The following DUS2 variants were observed in gnomAD, a reference collection of about 807,000 sequenced individuals.
DUS2 encodes tRNA-dihydrouridine(20) synthase [NAD(P)+]-like.
In DUS2, 52 loss-of-function variants were observed where a neutral mutation model predicts 71.3. The ratio of observed to expected loss-of-function variants is 0.73; its 90% CI spans 0.58 to 0.92. The LOEUF is 0.92. DUS2 is among the 40% of genes least tolerant of loss of function. The pLI, the probability that DUS2 is intolerant of heterozygous loss-of-function variation, is 0.00. For synonymous variants in DUS2, 204 were observed against 227.8 expected, an observed-to-expected ratio of 0.90 and a Z score of 0.94; for missense variants, 558 against 622.6, an observed-to-expected ratio of 0.90 and a Z score of 1.10.
chr16:68,059,931 A>G (rs968294366), intron 7 of DUS2, among the ~76,000 whole-genome samples: 1 of 152,192 alleles, frequency 6.6e-6, no homozygotes, highest in Non-Finnish European at 1.5e-5. Context: ...TACTATTATC[A>G]AGATTCAAGT....
intron 14 of DUS2, among the ~76,000 whole-genome samples, chr16:68,075,756 AG>A (rs1426472059): frequency 1.3e-5 from 2 of 152,130 alleles, no homozygotes; most frequent in Non-Finnish European, 2.9e-5. Context: ...AACTCAGGGC[AG>A]GGGGGACTTG....
chr16:68,049,540 A>G lies in DUS2; in HGVS notation c.162A>G (p.Arg54=), dbSNP rs751776821. 1 of 1,614,112 alleles carries G rather than the reference A, an allele frequency of 6.2e-7. No individual in the cohort carries two copies. Among genetic ancestry groups the G allele is most frequent in the East Asian group, 2.2e-5 (1 of 44,886 alleles). ...LIDLKMIQCK[R]VVNEVLSTVD... ...ACCTCAAGATGATTCAGTGCAAGAG[A>G]GTTGTTAATGGTGAGTACAGATCTG... The change falls in exon 4 of 17, where the codon AGA becomes AGG. Residue 54 remains arginine (R), a synonymous_variant. Transcript: ENST00000565263.
chr16:68,072,520 C>G (rs935878334), intron 12 of DUS2, among the ~76,000 whole-genome samples: 3 of 152,234 alleles, frequency 2.0e-5, no homozygotes, highest in African/African-American at 7.2e-5. Flanking sequence ...AAGGGAGCGG[C>G]TTTCAAGCAT....
At chr16:68,025,892 T>C (rs2151405988) in intron 2 of DUS2, among the ~76,000 whole-genome samples, 1 of 152,294 alleles carries the variant, frequency 6.6e-6, no homozygotes, top group South Asian at 2.1e-4. Flanking sequence ...CAATCATTCA[T>C]TCAACAAATA....
chr16:68,070,901 C>CGTGATGGGGACACCCCGG, intron 11 of DUS2, 39 bp from the exon 12 acceptor site: 2 of 1,601,156 alleles, frequency 1.2e-6, no homozygotes, highest in Non-Finnish European at 1.7e-6. Flanking sequence ...TGATAGGTTC[C>CGTGATGGGGACACCCCGG]GTGATGGGGA....
intron 2 of DUS2, among the ~76,000 whole-genome samples, chr16:68,033,283 T>C (rs1017369714): frequency 1.3e-5 from 2 of 152,058 alleles, no homozygotes; most frequent in African/African-American, 2.4e-5. Flanking sequence ...GTTAGTTATA[T>C]TTTGAAGGTT....
intron 8 of DUS2, among the ~76,000 whole-genome samples, chr16:68,061,442 C>T (rs1030101903): frequency 1.3e-5 from 2 of 152,192 alleles, no homozygotes; most frequent in Non-Finnish European, 2.9e-5. Flanking sequence ...CAGAGGCCAG[C>T]CCACCTGTGG....
At chr16:68,042,732 A>G (rs1418045514) in intron 3 of DUS2, among the ~76,000 whole-genome samples, 1 of 151,710 alleles carries the variant, frequency 6.6e-6, no homozygotes. Flanking sequence ...ATTTTGAGAC[A>G]GAGTCTCGCT....
rs868000179 is a variant in DUS2 at position 68,071,078 on chromosome 16, G to GGA, written c.782_783dup (p.Glu262ArgfsTer115). ...TCCTCAAGGAGGGTCTGCGGCCCCT[G>GGA]GAGGAGGTCATGCAGAAATACATCA... On this transcript the variant is annotated frameshift_variant, in exon 12 of 17. Transcript: ENST00000565263. LOFTEE classifies it high-confidence loss of function. 1 of 1,614,224 alleles carries GGA rather than the reference G, an allele frequency of 6.2e-7. No homozygotes were observed. The highest frequency in any genetic ancestry group is 8.5e-7 in the Non-Finnish European group (1 of 1,180,042).
chr16:68,070,912 C>T (rs745961808), intron 11 of DUS2, 28 bp from the exon 12 acceptor site: 1 of 1,607,320 alleles, frequency 6.2e-7, no homozygotes, highest in Non-Finnish European at 8.5e-7. Context: ...GTGATGGGGA[C>T]ACCCCTAACC....
Position 68,027,550 on chromosome 16 carries a change from A to G in DUS2, c.-19+2056A>G, listed in dbSNP as rs574904644. 2.6e-4 allele frequency among the ~76,000 whole-genome samples: 40 copies of G among 152,328 alleles called. No individual in the cohort carries two copies. The Middle Eastern group carries it at 0.024, about 91-fold the overall frequency. On this transcript the variant is annotated intron_variant, in intron 2 of 16. Coordinates refer to ENST00000565263, the MANE Select transcript of DUS2 (RefSeq NM_017803.5). ...GAGCCACCTCACCCGGCTGCCATTAACTTCTTTTTACAGCAAACACTAAGC... is the reference window on the plus strand; with the variant it reads ...GAGCCACCTCACCCGGCTGCCATTAGCTTCTTTTTACAGCAAACACTAAGC...
chr16:68,051,684 C>G (rs564015776), intron 4 of DUS2, among the ~76,000 whole-genome samples: 1 of 152,178 alleles, frequency 6.6e-6, no homozygotes, highest in Non-Finnish European at 1.5e-5. Flanking sequence ...AGCCATCACA[C>G]TGGCCATGTG....
At chr16:68,072,923 T>A (rs769804314) in intron 12 of DUS2, among the ~76,000 whole-genome samples, 1 of 152,230 alleles carries the variant, frequency 6.6e-6, no homozygotes, top group Non-Finnish European at 1.5e-5. Context: ...CCATGTGAAC[T>A]AAATGATGCT....
intron 8 of DUS2, among the ~76,000 whole-genome samples, chr16:68,065,916 C>T (rs767040939): frequency 2.1e-4 from 32 of 151,886 alleles, no homozygotes; most frequent in Non-Finnish European, 4.7e-4. Context: ...TTCCTAAGCC[C>T]TTCCCCTAGA....
chr16:68,038,259 T>C (rs1042386675), intron 3 of DUS2, 110 bp downstream of exon 3: 23 of 1,460,788 alleles, frequency 1.6e-5, no homozygotes, highest in Middle Eastern at 2.2e-4. Context: ...ATTGACTTTA[T>C]AGGTGTTCAC....
At chr16:68,059,119 A>G (rs923839765) in intron 7 of DUS2, among the ~76,000 whole-genome samples, 4 of 152,188 alleles carry the variant, frequency 2.6e-5, no homozygotes, top group Non-Finnish European at 1.5e-5. Flanking sequence ...AGGCTGAGGC[A>G]GGAGAATTGC....
intron 2 of DUS2, among the ~76,000 whole-genome samples, chr16:68,031,202 T>C (rs2033432933): frequency 1.3e-5 from 2 of 152,174 alleles, no homozygotes; most frequent in Non-Finnish European, 2.9e-5. Context: ...TGAGTCTCGC[T>C]CTGTCACCAG....
At position 68,031,964 on chromosome 16, in the gene DUS2, G is replaced by C. The variant is rs1008830780; in HGVS notation, c.-18-6042G>C. Reference sequence around the variant, plus strand: ...CCTGCCTTGGCCTCCCAAAGTGCTGGGATTATAGGCATGAGCCACCTCGCC... The same window carrying C: ...CCTGCCTTGGCCTCCCAAAGTGCTGCGATTATAGGCATGAGCCACCTCGCC... On this transcript the variant is annotated intron_variant, in intron 2 of 16. Coordinates refer to ENST00000565263, the MANE Select transcript of DUS2 (RefSeq NM_017803.5). 3.3e-5 allele frequency among the ~76,000 whole-genome samples: 5 copies of C among 152,300 alleles called. No homozygotes were observed. The South Asian group carries it at 1.0e-3, about 32-fold the overall frequency.
intron 4 of DUS2, among the ~76,000 whole-genome samples, chr16:68,051,492 A>G (rs1295021251): frequency 6.6e-6 from 1 of 152,070 alleles, no homozygotes; most frequent in Non-Finnish European, 1.5e-5. Flanking sequence ...CTGGGCTCAA[A>G]TGATCATCCT....
Sources: gnomAD v4.1 joint callset for allele counts (sites outside exome capture counted in the v4.1 genomes callset) on GRCh38, gnomAD v4.1.1 for gene constraint, MANE v1.5 for transcripts, NCBI Gene and HGNC (gene_info 2026-07-23, HGNC 2026-07-21) for gene names.